The following CEACAM20 variants were observed in gnomAD, a reference collection of about 807,000 sequenced individuals.
The protein encoded by CEACAM20 is cell adhesion molecule CEACAM20.
In CEACAM20, 50 loss-of-function variants were observed where a neutral mutation model predicts 61.2. The observed-to-expected ratio is 0.82, with a 90% CI of 0.65 to 1.03. CEACAM20 has a LOEUF of 1.03. Ranked by LOEUF, CEACAM20 falls within the 50% of genes least tolerant of loss-of-function variation. The probability of loss-of-function intolerance (pLI) is 0.00; values close to 1 mark genes in which losing one functional copy is unlikely to be tolerated. For missense variants in CEACAM20, 683 were observed against 736.4 expected (o/e 0.93, Z 0.84); for synonymous variants, 282 against 287.7 (o/e 0.98, Z 0.20).
At position 44,513,272 on chromosome 19, in the gene CEACAM20, GGGA is replaced by G; in HGVS notation, c.1324_1326del (p.Ser442del). 6.2e-7 allele frequency: 1 copy of G among 1,613,542 alleles called. No individual in the cohort carries two copies. Among genetic ancestry groups the G allele is most frequent in the South Asian group, 1.1e-5 (1 of 91,068 alleles). ...ATACCAGCGATGGCCCCTGAGGACA[GGGA>G]GGAGGACTGGGGACCTGGGCAAGGA... On this transcript the variant is annotated inframe_deletion, in exon 7 of 12. Coordinates refer to ENST00000614924, the MANE Select transcript of CEACAM20 (RefSeq NM_001102597.3).
Position 44,524,132 on chromosome 19 carries a change from A to C in CEACAM20, c.326T>G (p.Val109Gly), listed in dbSNP as rs760997773. 5.0e-6 allele frequency: 8 copies of C among 1,612,980 alleles called. No individual in the cohort carries two copies. In the East Asian group the frequency reaches 1.8e-4, roughly 36 times the overall value. Residue 109 changes from valine (V) to glycine (G), a missense_variant, in exon 3 of 12, where the codon GTG (valine) becomes GGG (glycine). By Grantham distance (109) the Val-to-Gly change is moderately radical (BLOSUM62 -3). Coordinates refer to ENST00000614924, the MANE Select transcript of CEACAM20 (RefSeq NM_001102597.3). ...GGACAGCTGCATGCGCTCATGGAACACAATGGAGAGGTTGTTGGAAACCCA... is the reference window on the plus strand; with the variant it reads ...GGACAGCTGCATGCGCTCATGGAACCCAATGGAGAGGTTGTTGGAAACCCA... ...IHWVSNNLSI[V>G]FHERMQLSKD...
chr19:44,527,496 CATAAGG>C (rs1396325504), intron 1 of CEACAM20, among the ~76,000 whole-genome samples: 7 of 152,162 alleles, frequency 4.6e-5, no homozygotes, highest in Non-Finnish European at 8.8e-5. Flanking sequence ...ACTTAACTGT[CATAAGG>C]ATAAGTGAAA....
At chr19:44,517,602 C>T (rs1239089470) in intron 5 of CEACAM20, among the ~76,000 whole-genome samples, 1 of 151,106 alleles carries the variant, frequency 6.6e-6, no homozygotes, top group Non-Finnish European at 1.5e-5. Flanking sequence ...GAGGCTGAGG[C>T]TACAGAATTG....
chr19:44,525,610 T>G (rs1971507178), intron 1 of CEACAM20, among the ~76,000 whole-genome samples: 1 of 152,080 alleles, frequency 6.6e-6, no homozygotes, highest in South Asian at 2.1e-4. Flanking sequence ...GCCCGGCTAA[T>G]TTTTGTATTT....
At chr19:44,506,374 C>T (rs1416585086) in intron 11 of CEACAM20, among the ~76,000 whole-genome samples, 160 bp from the exon 12 acceptor site, 1 of 152,228 alleles carries the variant, frequency 6.6e-6, no homozygotes, top group African/African-American at 2.4e-5. Context: ...TGGCACATCT[C>T]TGTTCCTGGA....
At chr19:44,515,719 G>T (rs1015899475) in intron 6 of CEACAM20, among the ~76,000 whole-genome samples, 1 of 152,082 alleles carries the variant, frequency 6.6e-6, no homozygotes, top group Non-Finnish European at 1.5e-5. Flanking sequence ...ATCTCAGCAC[G>T]TTGGGAGGCT....
intron 5 of CEACAM20, among the ~76,000 whole-genome samples, chr19:44,519,104 C>G (rs1026575270): frequency 2.6e-5 from 4 of 152,212 alleles, no homozygotes; most frequent in Admixed American, 2.6e-4. Context: ...TGACTCTGCT[C>G]TAAGCAGCCT....
intron 5 of CEACAM20, among the ~76,000 whole-genome samples, chr19:44,518,993 T>C (rs1262362773): frequency 6.6e-6 from 1 of 152,184 alleles, no homozygotes; most frequent in Non-Finnish European, 1.5e-5. Context: ...CTTGCTCTCA[T>C]TCAGGAATTA....
At chr19:44,528,956 CTTTT>C (rs71171255) in intron 1 of CEACAM20, among the ~76,000 whole-genome samples, 29 of 92,616 alleles carry the variant, frequency 3.1e-4, no homozygotes, top group Admixed American at 1.2e-3. Flanking sequence ...CTCTTTCTTT[CTTTT>C]TTTTTTTTTT....
chr19:44,510,885 T>A (rs1970975412), intron 11 of CEACAM20, 145 bp downstream of exon 11: 6 of 904,976 alleles, frequency 6.6e-6, no homozygotes, highest in Non-Finnish European at 9.9e-6. Flanking sequence ...AATGACATGA[T>A]GGAAATGGAT....
Position 44,521,015 on chromosome 19 carries a change from G to A in CEACAM20, c.752-263C>T, listed in dbSNP as rs145348469. Among the ~76,000 whole-genome samples, 28 of 152,202 alleles carry A rather than the reference G, an allele frequency of 1.8e-4. No homozygotes were observed. In the East Asian group the frequency reaches 3.5e-3, roughly 19 times the overall value. ...AGTGTGTGGTGTGTAAGTGTTTTGC[G>A]TCTCTTGTGTGTGTTGGGTGTATGT... On this transcript the variant is annotated intron_variant, in intron 4 of 11. Coordinates refer to ENST00000614924, the MANE Select transcript of CEACAM20 (RefSeq NM_001102597.3).
Position 44,524,278 on chromosome 19 carries a change from G to T in CEACAM20, c.197-17C>A. 1.2e-6 allele frequency: 2 copies of T among 1,604,718 alleles called. No individual in the cohort carries two copies. The highest frequency in any genetic ancestry group is 1.7e-6 in the Non-Finnish European group (2 of 1,174,752). ...TGGCCAGCTCTGAAAGCAAGCGAGG[G>T]AGACAGAGGCAGAGACACAGGTAGA... On this transcript the variant is annotated splice_polypyrimidine_tract_variant and intron_variant, in intron 2 of 11. Transcript: ENST00000614924.
At position 44,524,403 on chromosome 19, in the gene CEACAM20, G is replaced by A; in HGVS notation, c.197-142C>T. The A allele has an allele frequency of 5.7e-6, 5 of 873,872 alleles. No homozygotes were observed. The South Asian group carries it at 8.6e-5, about 15-fold the overall frequency. The allele number at this position is 873,872 out of a possible 1,614,324, so 54.1% of individuals were successfully genotyped here. A position where few individuals can be genotyped will look rare whatever the true frequency, so the allele number is the denominator to read the frequency against. On this transcript the variant is annotated intron_variant, in intron 2 of 11. Transcript: ENST00000614924. ...TGGAGTTGGATGCCTGGGCTTGAAT[G>A]CTGGATCTACTGCTCATTCTTGGTG...
Position 44,506,428 on chromosome 19 carries a change from G to A in CEACAM20, c.1738-214C>T, listed in dbSNP as rs114811151. Among the ~76,000 whole-genome samples, 342 of 152,274 alleles carry A rather than the reference G, an allele frequency of 2.2e-3. 1 individual carries two copies. The highest frequency in any genetic ancestry group is 8.0e-3 in the African/African-American group (332 of 41,550). Reference sequence around the variant, plus strand: ...CACTGTGGTAAACAGACTCTAAAGTGGTCCCCATAATCCCTGCCTCCTGGT... The same window carrying A: ...CACTGTGGTAAACAGACTCTAAAGTAGTCCCCATAATCCCTGCCTCCTGGT... On this transcript the variant is annotated intron_variant, in intron 11 of 11. Transcript: ENST00000614924.
At chr19:44,510,836 G>A (rs1432636625) in intron 11 of CEACAM20, among the ~76,000 whole-genome samples, 194 bp downstream of exon 11, 2 of 152,138 alleles carry the variant, frequency 1.3e-5, no homozygotes, top group Non-Finnish European at 2.9e-5. Flanking sequence ...GCAATAAAAT[G>A]GAGTGCGTTG....
At position 44,516,942 on chromosome 19, in the gene CEACAM20, TCACCTAC is replaced by T; in HGVS notation, c.1306_1309+3del. 6.3e-7 allele frequency: 1 copy of T among 1,592,512 alleles called. No individual in the cohort carries two copies. The highest frequency in any genetic ancestry group is 8.5e-7 in the Non-Finnish European group (1 of 1,170,020). ...CTGGGAGAAGGCGACCCTGAGAGAC[TCACCTAC>T]CACCTTGACCAGGACTGAAGTGGAG... is the stretch of plus-strand genomic sequence containing the variant. On this transcript the variant is annotated splice_donor_variant and splice_donor_region_variant and coding_sequence_variant and intron_variant, in exon 6 of 12. Transcript: ENST00000614924. LOFTEE classifies it high-confidence loss of function.
At position 44,513,268 on chromosome 19, in the gene CEACAM20, G is replaced by A; in HGVS notation, c.1331C>T (p.Ser444Phe). Residue 444 changes from serine to phenylalanine, a missense_variant, in exon 7 of 12, where the codon TCC becomes TTC. Physicochemically the swap from Ser to Phe is radical, Grantham distance 155. Transcript: ENST00000614924. ...KVVGPQSSSL[S>F]SGAIAGIVIG... ...GACAATACCAGCGATGGCCCCTGAGGACAGGGAGGAGGACTGGGGACCTGG... is the reference window on the plus strand; with the variant it reads ...GACAATACCAGCGATGGCCCCTGAGAACAGGGAGGAGGACTGGGGACCTGG... The A allele has an allele frequency of 6.2e-7, 1 of 1,613,652 alleles. No homozygotes were observed.
At chr19:44,524,731 C>A (rs191788902) in intron 2 of CEACAM20, among the ~76,000 whole-genome samples, 240 of 152,224 alleles carry the variant, frequency 1.6e-3, no homozygotes, top group African/African-American at 5.6e-3. Context: ...AGGCGTGCAC[C>A]ACCAAACCTG....
Position 44,511,643 on chromosome 19 carries a change from G to C in CEACAM20, c.1605C>G (p.Thr535=). Residue 535 remains threonine (T), a synonymous_variant, in exon 10 of 12, where the codon ACC becomes ACG. Coordinates refer to ENST00000614924, the MANE Select transcript of CEACAM20 (RefSeq NM_001102597.3). ...CCCAGCAGGGCCAATGTACCTCATA[G>C]GTCTCCTCTGGAAGGTCTGGTGGTT... ...LMQPPDLPEE[T]YETKLPSASR... 1 of 1,612,784 alleles carries C rather than the reference G, an allele frequency of 6.2e-7. No individual in the cohort carries two copies. Among genetic ancestry groups the C allele is most frequent in the East Asian group, 2.2e-5 (1 of 44,880 alleles).
Sources: gnomAD v4.1 joint callset for allele counts (sites outside exome capture counted in the v4.1 genomes callset) on GRCh38, gnomAD v4.1.1 for gene constraint, MANE v1.5 for transcripts, NCBI Gene and HGNC (gene_info 2026-07-23, HGNC 2026-07-21) for gene names.